RPS6KA2: variants seen among roughly 807,000 people sequenced by gnomAD.
RPS6KA2 encodes the protein ribosomal protein S6 kinase A2.
A neutral mutation model predicts 91.8 loss-of-function variants in RPS6KA2; 42 were observed. That is an observed-to-expected ratio of 0.46 (90% CI 0.36 to 0.59). The LOEUF is 0.59. Ranked by LOEUF, RPS6KA2 falls within the 20% of genes least tolerant of loss-of-function variation. RPS6KA2 has a pLI of 0.00. For missense variants in RPS6KA2, 798 were observed against 978.5 expected (o/e 0.82, Z 2.46); for synonymous variants, 414 against 393.6 (o/e 1.05, Z -0.61).
rs1191559167 is a variant in RPS6KA2 at position 166,648,946 on chromosome 6, C to T, written c.124-110162G>A. On this transcript the variant is annotated intron_variant, in intron 2 of 21. Coordinates refer to the RPS6KA2 transcript ENST00000503859. This position sits in a 1 kb window ranked among gnomAD's most constrained non-coding sequence, Gnocchi z 4.8. ...ACCTGTCTCTCTAAGGCCACTGGCA[C>T]CTCATGCCAGCCCTACTAATGGGCT... Among the ~76,000 whole-genome samples, 1 of 152,204 alleles carries T rather than the reference C, an allele frequency of 6.6e-6. No individual in the cohort carries two copies. Among genetic ancestry groups the T allele is most frequent in the Non-Finnish European group, 1.5e-5 (1 of 68,018 alleles).
At chr6:166,779,942 T>C (rs536811527) in intron 2 of RPS6KA2, among the ~76,000 whole-genome samples, 1 of 152,222 alleles carries the variant, frequency 6.6e-6, no homozygotes, top group South Asian at 2.1e-4. Context: ...AAGGAGATAG[T>C]TTTTTTGAAC....
rs987911447 is a variant in RPS6KA2 at position 166,770,392 on chromosome 6, T to C, written c.123+87808A>G. Among the ~76,000 whole-genome samples, 1 of 152,164 alleles carries C rather than the reference T, an allele frequency of 6.6e-6. No homozygotes were observed. Among genetic ancestry groups the C allele is most frequent in the Non-Finnish European group, 1.5e-5 (1 of 68,026 alleles). ...ACACGCACTAGAGTCTGGAGGCTGG[T>C]CGGCCACCAGCCTGCAAACCTCGAG... On this transcript the variant is annotated intron_variant, in intron 2 of 21. Transcript: ENST00000503859. This position sits in a 1 kb window ranked among gnomAD's most constrained non-coding sequence, Gnocchi z 5.1.
intron 1 of RPS6KA2, among the ~76,000 whole-genome samples, chr6:166,549,312 A>G (rs183490448): frequency 2.0e-5 from 3 of 152,338 alleles, no homozygotes; most frequent in Admixed American, 1.3e-4. Flanking sequence ...CAGGGCATTT[A>G]TCTCAGAGAA....
chr6:166,839,683 GAGAGGA>G (rs1417527314), intron 2 of RPS6KA2, among the ~76,000 whole-genome samples: 5 of 86,428 alleles, frequency 5.8e-5, no homozygotes, highest in East Asian at 4.6e-4. Context: ...ATCAGAGCAG[GAGAGGA>G]GAGGGGAGGA....
chr6:166,652,564 G>A (rs1054302877), intron 2 of RPS6KA2, among the ~76,000 whole-genome samples: 11 of 151,976 alleles, frequency 7.2e-5, no homozygotes, highest in African/African-American at 2.4e-4. Flanking sequence ...ATTTTTGCCC[G>A]TATTGATCTT....
chr6:166,609,463 C>A (rs1786080554), intron 1 of RPS6KA2, among the ~76,000 whole-genome samples: 1 of 151,672 alleles, frequency 6.6e-6, no homozygotes, highest in Admixed American at 6.6e-5. Context: ...ATCAATGACT[C>A]AGGAGCACTG....
chr6:166,675,768 A>C (rs1328887617), intron 2 of RPS6KA2, among the ~76,000 whole-genome samples: 1 of 151,894 alleles, frequency 6.6e-6, no homozygotes, highest in Non-Finnish European at 1.5e-5. Context: ...CTCCTATTTT[A>C]AATCGGGAGG....
intron 2 of RPS6KA2, among the ~76,000 whole-genome samples, chr6:166,836,073 C>T (rs1190561559): frequency 6.6e-6 from 1 of 152,062 alleles, no homozygotes; most frequent in Non-Finnish European, 1.5e-5. Flanking sequence ...GGAATAAGTT[C>T]TACTTTTTTA....
At chr6:166,436,831 C>G (rs1380496054) in intron 14 of RPS6KA2, among the ~76,000 whole-genome samples, 3 of 152,182 alleles carry the variant, frequency 2.0e-5, no homozygotes, top group Non-Finnish European at 4.4e-5. Flanking sequence ...TAGGGCACAT[C>G]CTGGAAGGGA....
rs761686627 is a variant in RPS6KA2, at chr6:166,411,207, A to G, written c.*1555T>C. 1.3e-5 allele frequency: 2 copies of G among 150,286 alleles called. No homozygotes were observed. The highest frequency in any genetic ancestry group is 2.9e-5 in the Non-Finnish European group (2 of 67,906). The allele number at this position is 150,286 out of a possible 1,614,324, so 9.3% of individuals were successfully genotyped here. A position where few individuals can be genotyped will look rare whatever the true frequency, so the allele number is the denominator to read the frequency against. On this transcript the variant is annotated 3_prime_UTR_variant, in exon 21 of 21. Coordinates refer to ENST00000265678, the MANE Select transcript of RPS6KA2 (RefSeq NM_021135.6). This position sits in a 1 kb window ranked among gnomAD's most constrained non-coding sequence, Gnocchi z 4.5. ...GGAGTTATTTTTCAGAACGCAGCAC[A>G]TTTTTTCTTTATTTTTTTTTTTTTA...
intron 1 of RPS6KA2, among the ~76,000 whole-genome samples, chr6:166,618,032 A>C (rs749862753): frequency 6.6e-6 from 1 of 152,220 alleles, no homozygotes; most frequent in Non-Finnish European, 1.5e-5. Context: ...AGAGAACGTG[A>C]AGCTCTGCAG....
chr6:166,573,593 G>A (rs965670865), intron 1 of RPS6KA2, among the ~76,000 whole-genome samples: 2 of 152,218 alleles, frequency 1.3e-5, no homozygotes, highest in Admixed American at 6.5e-5. Flanking sequence ...AAGTGAGCTC[G>A]CCACTGCAAA....
Position 166,695,779 on chromosome 6 carries a change from G to C in RPS6KA2, c.124-156995C>G, listed in dbSNP as rs9459719. ...AGCACTGGATTCTCATAGGAGCACT[G>C]GATTCTCACAGGAGCACTGGATTCT... On this transcript the variant is annotated intron_variant, in intron 2 of 21. Coordinates refer to the RPS6KA2 transcript ENST00000503859. 2.7e-5 allele frequency among the ~76,000 whole-genome samples: 4 copies of C among 147,258 alleles called. No individual in the cohort carries two copies. The South Asian group carries it at 8.5e-4, about 31-fold the overall frequency.
At position 166,666,631 on chromosome 6, in the gene RPS6KA2, G is replaced by A. The variant is rs567433078; in HGVS notation, c.124-127847C>T. Among the ~76,000 whole-genome samples the A allele has an allele frequency of 1.9e-3, 290 of 152,298 alleles. 1 individual carries two copies. Among genetic ancestry groups the A allele is most frequent in the African/African-American group, 6.9e-3 (285 of 41,536 alleles). ...AAATAGCATAATGAGTGTTGGCGAG[G>A]GTGCTGAAAAATTAGAATTGTTGTT... is the stretch of plus-strand genomic sequence containing the variant. On this transcript the variant is annotated intron_variant, in intron 2 of 21. Coordinates refer to the RPS6KA2 transcript ENST00000503859. The surrounding 1 kb of genome is among the most constrained non-coding windows in gnomAD (Gnocchi z 4.0).
At chr6:166,582,896 A>G (rs1010149420) in intron 1 of RPS6KA2, among the ~76,000 whole-genome samples, 2 of 152,214 alleles carry the variant, frequency 1.3e-5, no homozygotes, top group Admixed American at 1.3e-4. Context: ...AAACTTAAAT[A>G]TTTTTGGTAA....
At chr6:166,613,540 T>A (rs1786274581) in intron 1 of RPS6KA2, among the ~76,000 whole-genome samples, 1 of 152,162 alleles carries the variant, frequency 6.6e-6, no homozygotes, top group South Asian at 2.1e-4. Flanking sequence ...AGGCTGAAGA[T>A]CTAGGAGTCA....
intron 11 of RPS6KA2, among the ~76,000 whole-genome samples, chr6:166,462,661 A>C (rs1229376257): frequency 6.6e-6 from 1 of 152,118 alleles, no homozygotes; most frequent in Non-Finnish European, 1.5e-5. Flanking sequence ...CCCAGTGAGG[A>C]GGTCCTAAGC....
chr6:166,818,423 C>G (rs1099653), intron 2 of RPS6KA2, among the ~76,000 whole-genome samples: 95,187 of 152,002 alleles, frequency 0.63, 31,244 homozygotes, highest in Non-Finnish European at 0.74. Flanking sequence ...AGCTGCATCG[C>G]TGTTGCCAAG....
intron 2 of RPS6KA2, among the ~76,000 whole-genome samples, chr6:166,656,309 G>A (rs1049646595): frequency 6.6e-6 from 1 of 152,238 alleles, no homozygotes; most frequent in African/African-American, 2.4e-5. Flanking sequence ...AGAAGAAGAA[G>A]GGGGAGGAGA....
Sources: gnomAD v4.1 joint callset for allele counts (sites outside exome capture counted in the v4.1 genomes callset) on GRCh38, gnomAD v4.1.1 for gene constraint, Gnocchi (gnomAD v3.1) non-coding constraint, MANE v1.5 for transcripts, NCBI Gene and HGNC (gene_info 2026-07-23, HGNC 2026-07-21) for gene names.